The following SLC24A5 variants were observed in gnomAD, a reference collection of about 807,000 sequenced individuals.
The protein encoded by SLC24A5 is solute carrier family 24 member 5.
SLC24A5 carries 46 observed loss-of-function variants against 51.6 expected under a neutral mutation model. The ratio of observed to expected loss-of-function variants is 0.89; its 90% CI spans 0.70 to 1.14. SLC24A5 has a LOEUF of 1.14. Ranked by LOEUF, SLC24A5 falls within the 50% of genes most tolerant of loss-of-function variation. The pLI is 0.00. For missense variants in SLC24A5, 581 were observed against 604.1 expected (o/e 0.96, Z 0.40); for synonymous variants, 230 against 214.9 (o/e 1.07, Z -0.62).
Position 48,142,043 on chromosome 15 carries a change from G to T in SLC24A5, c.1195G>T (p.Ala399Ser), listed in dbSNP as rs373028909. ...LVARKGKGDM[A>S]MSNIVGSNVF... ...TTCTTTTGTAGGGAAAGGAGATATG[G>T]CTATGTCTAACATCGTGGGATCCAA... Residue 399 changes from alanine to serine, a missense_variant, in exon 9 of 9, where the codon GCT (alanine) becomes TCT (serine). Transcript: ENST00000341459. 6.2e-7 allele frequency: 1 copy of T among 1,610,644 alleles called. No homozygotes were observed. Among genetic ancestry groups the T allele is most frequent in the African/African-American group, 1.3e-5 (1 of 74,806 alleles).
At chr15:48,131,132 AAC>A (rs1337672356) in intron 2 of SLC24A5, among the ~76,000 whole-genome samples, 9 of 152,282 alleles carry the variant, frequency 5.9e-5, no homozygotes, top group Admixed American at 2.0e-4. Context: ...TAAAATGAAA[AAC>A]AGTTAATTAC....
At chr15:48,141,494 T>C (rs2039083501) in intron 8 of SLC24A5, 1 of 228,352 alleles carries the variant, frequency 4.4e-6, no homozygotes, top group Non-Finnish European at 8.7e-6. Context: ...GGAGAATTGT[T>C]TGAATCCAGG....
intron 2 of SLC24A5, among the ~76,000 whole-genome samples, chr15:48,126,011 G>A (rs571167520): frequency 5.9e-5 from 9 of 152,306 alleles, no homozygotes; most frequent in South Asian, 4.1e-4. Context: ...GCAGCGATGA[G>A]CTGGAAGTGG....
chr15:48,141,912 CAAT>C (rs763046992), intron 8 of SLC24A5, 114 bp from the exon 9 acceptor site: 2 of 759,120 alleles, frequency 2.6e-6, no homozygotes, highest in Non-Finnish European at 4.0e-6. Context: ...GCTCTAACAA[CAAT>C]TTTTCAAAAC....
intron 7 of SLC24A5, 69 bp from the exon 8 acceptor site, chr15:48,141,044 C>G: frequency 7.8e-7 from 1 of 1,283,406 alleles, no homozygotes; most frequent in Non-Finnish European, 1.1e-6. Flanking sequence ...AAGGAAATAT[C>G]CAAAATAACT....
rs542179932 is a variant in SLC24A5 at position 48,128,164 on chromosome 15, G to A, written c.302-6094G>A. 3.3e-5 allele frequency among the ~76,000 whole-genome samples: 5 copies of A among 151,926 alleles called. No homozygotes were observed. In the East Asian group the frequency reaches 9.7e-4, roughly 29 times the overall value. ...CAGAGGTATTGAACCACTGTTCTGG[G>A]CAGGTTTCTTTATATTTTTCCAAAC... On this transcript the variant is annotated intron_variant, in intron 2 of 8. Coordinates refer to ENST00000341459, the MANE Select transcript of SLC24A5 (RefSeq NM_205850.3).
rs201625814 is a variant in SLC24A5 at position 48,121,131 on chromosome 15, G to A, written c.87G>A (p.Gly29=). Reference sequence around the variant, plus strand: ...CCACTGCACATCTGCCTCTCTCAGGGACCTCCCTGCCCCAACGTCTCCCAA... The same window carrying A: ...CCACTGCACATCTGCCTCTCTCAGGAACCTCCCTGCCCCAACGTCTCCCAA... ...LWATAHLPLS[G]TSLPQRLPRA... Residue 29 remains glycine, a synonymous_variant, in exon 1 of 9, where the codon GGG becomes GGA. Coordinates refer to ENST00000341459, the MANE Select transcript of SLC24A5 (RefSeq NM_205850.3). 123 of 1,613,666 alleles carry A rather than the reference G, an allele frequency of 7.6e-5. No homozygotes were observed. The highest frequency in any genetic ancestry group is 9.8e-5 in the Non-Finnish European group (116 of 1,179,808).
chr15:48,139,097 T>G lies in SLC24A5; in HGVS notation c.1000T>G (p.Phe334Val), dbSNP rs955429242. The G allele has an allele frequency of 3.1e-6, 5 of 1,613,116 alleles. No homozygotes were observed. The highest frequency in any genetic ancestry group is 1.7e-5 in the Admixed American group (1 of 59,978). Residue 334 changes from phenylalanine to valine, a missense_variant, in exon 7 of 9, where the codon TTT (phenylalanine) becomes GTT (valine). Transcript: ENST00000341459. ...TAGAAAAAAGTTTTGGAAAAACTAC[T>G]TTGTGATAACCTTTTTCATGTCTGC... ...DCRKKFWKNY[F>V]VITFFMSAIW...
At position 48,121,983 on chromosome 15, in the gene SLC24A5, T is replaced by C; in HGVS notation, c.248T>C (p.Ile83Thr). 6.2e-7 allele frequency: 1 copy of C among 1,613,624 alleles called. No individual in the cohort carries two copies. Among genetic ancestry groups the C allele is most frequent in the East Asian group, 2.2e-5 (1 of 44,878 alleles). Residue 83 changes from isoleucine to threonine, a missense_variant, in exon 2 of 9, where the codon ATA becomes ACA. Transcript: ENST00000341459. ...ATTATCGTTTACATGTTCATGGCCA[T>C]ATCTATTGTCTGTGATGAATACTTC... ...FLIIVYMFMA[I>T]SIVCDEYFLP...
Position 48,142,388 on chromosome 15 carries a change from A to G in SLC24A5, c.*37A>G. On this transcript the variant is annotated 3_prime_UTR_variant, in exon 9 of 9. Transcript: ENST00000341459. ...GTGTTATGCAGAAAATATGAATGGC[A>G]GGGAGGGGCAGAGAGAAAAATCCAT... is the stretch of plus-strand genomic sequence containing the variant. 7.5e-7 allele frequency: 1 copy of G among 1,325,412 alleles called. No homozygotes were observed. The highest frequency in any genetic ancestry group is 1.0e-6 in the Non-Finnish European group (1 of 977,290). 82.1% of individuals were successfully genotyped at this position (1,325,412 alleles called of 1,614,324 possible).
Position 48,142,071 on chromosome 15 carries a change from T to A in SLC24A5, c.1223T>A (p.Val408Glu), listed in dbSNP as rs1335984105. The change falls in exon 9 of 9, where the codon GTG becomes GAG. Residue 408 changes from valine (V) to glutamate (E), a missense_variant. Physicochemically the swap from Val to Glu is moderately radical, Grantham distance 121. Transcript: ENST00000341459. The stretch of plus-strand genomic sequence containing the variant: ...ATGTCTAACATCGTGGGATCCAATG[T>A]GTTTGATATGTTGTGCCTTGGTATT... ...MAMSNIVGSN[V>E]FDMLCLGIPW... The A allele has an allele frequency of 6.2e-7, 1 of 1,613,738 alleles. No individual in the cohort carries two copies. Among genetic ancestry groups the A allele is most frequent in the East Asian group, 2.2e-5 (1 of 44,802 alleles).
chr15:48,142,194 T>C lies in SLC24A5; in HGVS notation c.1346T>C (p.Ile449Thr). 6.2e-7 allele frequency: 1 copy of C among 1,613,866 alleles called. No homozygotes were observed. Among genetic ancestry groups the C allele is most frequent in the African/African-American group, 1.3e-5 (1 of 75,036 alleles). ...TYITISLNIS[I>T]IFLFLAVHFN... ...ATAACCATCTCTCTCAACATTTCAA[T>C]TATTTTTCTTTTTTTAGCAGTTCAC... Residue 449 changes from isoleucine to threonine, a missense_variant, in exon 9 of 9, where the codon ATT becomes ACT. Transcript: ENST00000341459.
In SLC24A5 at chr15:48,142,397, C is replaced by A. The variant is rs143908888; in HGVS notation, c.*46C>A. The A allele has an allele frequency of 7.1e-4, 906 of 1,269,558 alleles. 10 individuals carry two copies. In the East Asian group the frequency reaches 0.011, roughly 15 times the overall value. 78.6% of individuals were successfully genotyped at this position (1,269,558 alleles called of 1,614,324 possible). Reference sequence around the variant, plus strand: ...AGAAAATATGAATGGCAGGGAGGGGCAGAGAGAAAAATCCATTTCTTCATT... The same window carrying A: ...AGAAAATATGAATGGCAGGGAGGGGAAGAGAGAAAAATCCATTTCTTCATT... On this transcript the variant is annotated 3_prime_UTR_variant, in exon 9 of 9. Coordinates refer to ENST00000341459, the MANE Select transcript of SLC24A5 (RefSeq NM_205850.3).
chr15:48,136,982 C>T lies in SLC24A5; in HGVS notation c.871+19C>T, dbSNP rs1366258412. On this transcript the variant is annotated intron_variant, in intron 6 of 8. Coordinates refer to ENST00000341459, the MANE Select transcript of SLC24A5 (RefSeq NM_205850.3). ...TCTGAAGGTAATCACTAAATCTTGC[C>T]CATTATTAAGTCTATTCGCAAAGGA... is the stretch of plus-strand genomic sequence containing the variant. 6.3e-7 allele frequency: 1 copy of T among 1,595,810 alleles called. No individual in the cohort carries two copies. Among genetic ancestry groups the T allele is most frequent in the Admixed American group, 1.7e-5 (1 of 58,524 alleles).
intron 2 of SLC24A5, among the ~76,000 whole-genome samples, chr15:48,127,620 A>G (rs1271689603): frequency 6.6e-6 from 1 of 152,116 alleles, no homozygotes; most frequent in Non-Finnish European, 1.5e-5. Context: ...GGAGTTCGAG[A>G]CCAGCCTGGC....
intron 2 of SLC24A5, chr15:48,122,299 C>G (rs1232460501): frequency 1.2e-5 from 7 of 582,470 alleles, no homozygotes; most frequent in Admixed American, 3.0e-5. Flanking sequence ...TTGTCTACTG[C>G]CTGGATGTTT....
At chr15:48,133,886 CT>C (rs2038829258) in intron 2 of SLC24A5, among the ~76,000 whole-genome samples, 1 of 144,496 alleles carries the variant, frequency 6.9e-6, no homozygotes, top group Non-Finnish European at 1.6e-5. Flanking sequence ...ATCTAAAAAA[CT>C]AACATCTTTT....
chr15:48,141,891 G>A, intron 8 of SLC24A5, 138 bp from the exon 9 acceptor site: 1 of 561,140 alleles, frequency 1.8e-6, no homozygotes, highest in Non-Finnish European at 3.0e-6. Context: ...TACAAATTCA[G>A]TAAGACTTTT....
chr15:48,139,037 A>G lies in SLC24A5; in HGVS notation c.940A>G (p.Ile314Val), dbSNP rs748402062. 1 of 1,613,102 alleles carries G rather than the reference A, an allele frequency of 6.2e-7. No homozygotes were observed. The highest frequency in any genetic ancestry group is 8.5e-7 in the Non-Finnish European group (1 of 1,179,294). Residue 314 changes from isoleucine to valine, a missense_variant, in exon 7 of 9, where the codon ATT (isoleucine) becomes GTT (valine). Ile to Val is a conservative substitution (Grantham distance 29, BLOSUM62 3). Transcript: ENST00000341459. Reference sequence around the variant, plus strand: ...AATTTTTTGGGTATTATCCCTTCCTATTATTACATTACTTTTTCTAACCAC... The same window carrying G: ...AATTTTTTGGGTATTATCCCTTCCTGTTATTACATTACTTTTTCTAACCAC... ...KRIFWVLSLP[I>V]ITLLFLTTPD...
Sources: allele counts gnomAD v4.1 joint callset (sites outside exome capture counted in the v4.1 genomes callset), GRCh38; gene constraint gnomAD v4.1.1; transcripts MANE v1.5; gene names NCBI Gene and HGNC (gene_info 2026-07-23, HGNC 2026-07-21).